Variants in OR10J1 observed in about 807,000 individuals in gnomAD.
The protein encoded by OR10J1 is olfactory receptor family 10 subfamily J member 1, also known as olfactory receptor 10J1.
For missense variants in OR10J1, 474 were observed against 376.6 expected (o/e 1.26, Z -2.14); for synonymous variants, 202 against 143.8 (o/e 1.40, Z -2.89).
the OR10J1 span, among the ~76,000 whole-genome samples, chr1:159,420,287 C>A: frequency 2.6e-5 from 4 of 152,100 alleles, no homozygotes; most frequent in African/African-American, 9.7e-5. Flanking sequence ...TAGTCTATAT[C>A]TTTTAAGTGG....
At chr1:159,411,102 G>A in the OR10J1 span, among the ~76,000 whole-genome samples, 3 of 152,096 alleles carry the variant, frequency 2.0e-5, no homozygotes, top group African/African-American at 4.8e-5. Flanking sequence ...ATTTGCTGAG[G>A]AGAGCTTTAC....
chr1:159,437,714 G>T (rs937589773), upstream of OR10J1: 1 of 152,244 alleles, frequency 6.6e-6, no homozygotes, highest in African/African-American at 2.4e-5. Context: ...CCCCAGGGGG[G>T]TGGCTGTCAG....
At chr1:159,406,325 C>A in the OR10J1 span, 1 of 495,170 alleles carries the variant, frequency 2.0e-6, no homozygotes, top group South Asian at 1.6e-5. Context: ...GAGAAACCTT[C>A]AAAGAAGAGC....
the OR10J1 span, among the ~76,000 whole-genome samples, chr1:159,407,571 G>A: frequency 1.3e-5 from 2 of 152,068 alleles, no homozygotes; most frequent in African/African-American, 4.8e-5. Context: ...TTCCAATGAT[G>A]ATTTTAGAAA....
At chr1:159,436,169 T>C (rs4128725), upstream of OR10J1, among the ~76,000 whole-genome samples, 16,428 of 152,048 alleles carry the variant, frequency 0.11, 1,142 homozygotes, top group East Asian at 0.23. Context: ...CATAAAGTCT[T>C]GAGCTCTTTA....
the OR10J1 span, among the ~76,000 whole-genome samples, chr1:159,415,787 A>G: frequency 1.3e-5 from 2 of 152,044 alleles, no homozygotes; most frequent in Non-Finnish European, 2.9e-5. Flanking sequence ...GTGATTAATT[A>G]TTTAATGATA....
the OR10J1 span, among the ~76,000 whole-genome samples, chr1:159,401,833 G>A: frequency 6.6e-6 from 1 of 151,956 alleles, no homozygotes; most frequent in African/African-American, 2.4e-5. Flanking sequence ...GAATATTGAT[G>A]CATAAATCCT....
At chr1:159,426,340 A>G in the OR10J1 span, among the ~76,000 whole-genome samples, 2 of 151,934 alleles carry the variant, frequency 1.3e-5, no homozygotes, top group Admixed American at 6.6e-5. Context: ...TGGAAAATAA[A>G]GAGGCTGAAA....
the OR10J1 span, among the ~76,000 whole-genome samples, chr1:159,414,300 A>T: frequency 6.6e-6 from 1 of 152,008 alleles, no homozygotes; most frequent in East Asian, 1.9e-4. Flanking sequence ...CTCTACCTCG[A>T]TGAAATCAAC....
At chr1:159,404,182 C>T in the OR10J1 span, among the ~76,000 whole-genome samples, 1 of 151,874 alleles carries the variant, frequency 6.6e-6, no homozygotes, top group Non-Finnish European at 1.5e-5. Context: ...ATAAATAAGG[C>T]CTACTATTTG....
chr1:159,406,494 C>T, the OR10J1 span: 4 of 242,924 alleles, frequency 1.6e-5, no homozygotes, highest in Admixed American at 1.8e-4. Flanking sequence ...ATGTTCCAGG[C>T]ACAGGGGTTA....
the OR10J1 span, among the ~76,000 whole-genome samples, chr1:159,420,020 T>C: frequency 6.6e-6 from 1 of 152,202 alleles, no homozygotes; most frequent in Non-Finnish European, 1.5e-5. Context: ...GGTGCATATA[T>C]GTTTATAATT....
Position 159,440,332 on chromosome 1 carries a change from C to A in OR10J1, c.541C>A (p.Arg181Ser), listed in dbSNP as rs143481177. ...GGTGCCCCACTTCTTCTGTGACATC[C>A]GCCCTGTGATGAAGCTCTCCTGCAT... ...RKVPHFFCDIRPVMKLSCIDT... is the reference protein window; with the variant it reads ...RKVPHFFCDISPVMKLSCIDT... Residue 181 changes from arginine (R) to serine (S), a missense_variant, in exon 1 of 1, where the codon CGC becomes AGC. Physicochemically the swap from Arg to Ser is moderately radical, Grantham distance 110. Transcript: ENST00000423932. 2.5e-6 allele frequency: 4 copies of A among 1,614,044 alleles called. No individual in the cohort carries two copies. Among genetic ancestry groups the A allele is most frequent in the Admixed American group, 1.7e-5 (1 of 59,998 alleles).
the OR10J1 span, chr1:159,432,117 C>T: frequency 1.3e-5 from 5 of 399,568 alleles, no homozygotes; most frequent in African/African-American, 8.2e-5. Flanking sequence ...CTGCACATGG[C>T]TGATGACGAT....
chr1:159,432,405 T>A, the OR10J1 span: 12 of 403,824 alleles, frequency 3.0e-5, no homozygotes, highest in East Asian at 1.4e-4. Flanking sequence ...GAGTGTGCTG[T>A]CTATTTCTGA....
the OR10J1 span, among the ~76,000 whole-genome samples, chr1:159,431,150 G>A: frequency 2.0e-5 from 3 of 152,182 alleles, no homozygotes; most frequent in Non-Finnish European, 4.4e-5. Context: ...GATATTGGAA[G>A]AAAGCAGGAC....
the OR10J1 span, among the ~76,000 whole-genome samples, chr1:159,415,007 C>T: frequency 4.5e-4 from 68 of 152,196 alleles, 1 homozygote; most frequent in Middle Eastern, 6.8e-3. Context: ...CAAATATATA[C>T]TCCCATTCAA....
the OR10J1 span, among the ~76,000 whole-genome samples, chr1:159,401,687 A>G: frequency 2.0e-5 from 3 of 151,934 alleles, no homozygotes; most frequent in Non-Finnish European, 2.9e-5. Context: ...ACTAATACCA[A>G]TCATACTCAA....
In OR10J1 at chr1:159,440,158, T is replaced by C; in HGVS notation, c.367T>C (p.Tyr123His). The C allele has an allele frequency of 6.2e-7, 1 of 1,614,152 alleles. No homozygotes were observed. The highest frequency in any genetic ancestry group is 1.7e-5 in the Admixed American group (1 of 60,006). Residue 123 changes from tyrosine (Y) to histidine (H), a missense_variant, in exon 1 of 1, where the codon TAT becomes CAT. Transcript: ENST00000423932. ...FLLTAMGYDR[Y>H]VAICNPLRYM... is the part of the protein sequence containing the mutation. ...GCTCACAGCAATGGGATATGACCGC[T>C]ATGTGGCCATCTGCAACCCCCTGAG...
Sources: allele counts gnomAD v4.1 joint callset (sites outside exome capture counted in the v4.1 genomes callset), GRCh38; gene constraint gnomAD v4.1.1; transcripts MANE v1.5; gene names NCBI Gene and HGNC (gene_info 2026-07-23, HGNC 2026-07-21).